The following MAP2K4 variants were observed in gnomAD, a reference collection of about 807,000 sequenced individuals.
The protein encoded by MAP2K4 is mitogen-activated protein kinase kinase 4, also known as dual specificity mitogen-activated protein kinase kinase 4.
In MAP2K4, 4 loss-of-function variants were observed where a neutral mutation model predicts 48.5. The observed-to-expected ratio is 0.08, with a 90% confidence interval of 0.04 to 0.19. The LOEUF (loss-of-function observed/expected upper bound fraction) is 0.19, where lower values mean the gene tolerates loss of function less well. Among genes scored for constraint, MAP2K4 ranks in the 10% least tolerant of loss-of-function variants. The pLI is 1.00. For synonymous variants in MAP2K4, 166 were observed against 173.1 expected (o/e 0.96, Z 0.32); for missense variants, 258 against 493.3 (o/e 0.52, Z 4.52).
chr17:12,021,613 A>G (rs1464528644), intron 1 of MAP2K4: 1 of 90,770 alleles, frequency 1.1e-5, no homozygotes, highest in Non-Finnish European at 2.1e-5. Flanking sequence ...GCTGGAAGGG[A>G]TGGGGGTGGG....
Position 12,081,223 on chromosome 17 carries a change from A to G in MAP2K4, c.219-133A>G. On this transcript the variant is annotated intron_variant, in intron 2 of 10. Coordinates refer to ENST00000353533, the MANE Select transcript of MAP2K4 (RefSeq NM_003010.4). This position sits in a 1 kb window ranked among gnomAD's most constrained non-coding sequence, Gnocchi z 4.2. ...AAAAACCAGGATGACACAAATGAAA[A>G]ACTTCAAAAACCTGGAGGTCAGACT... The G allele has an allele frequency of 1.6e-6, 1 of 617,240 alleles. No individual in the cohort carries two copies. The highest frequency in any genetic ancestry group is 3.2e-5 in the South Asian group (1 of 31,288). The allele number at this position is 617,240 out of a possible 1,614,324, so 38.2% of individuals were successfully genotyped here.
At chr17:12,133,722 A>G (rs1234999313) in intron 9 of MAP2K4, among the ~76,000 whole-genome samples, 3 of 152,194 alleles carry the variant, frequency 2.0e-5, no homozygotes, top group African/African-American at 7.2e-5. Flanking sequence ...TCAGGGATGG[A>G]TTGCCTAATC....
chr17:12,129,437 T>A, intron 9 of MAP2K4, 150 bp downstream of exon 9: 2 of 863,260 alleles, frequency 2.3e-6, no homozygotes, highest in South Asian at 3.3e-5. Context: ...TCACTGTGGC[T>A]GTATGGAAGG....
chr17:12,029,400 G>GA (rs1461638767), intron 1 of MAP2K4, among the ~76,000 whole-genome samples: 1 of 152,002 alleles, frequency 6.6e-6, no homozygotes, highest in African/African-American at 2.4e-5. Context: ...CTGGGGCCAG[G>GA]AAAAATGAAA....
intron 7 of MAP2K4, among the ~76,000 whole-genome samples, chr17:12,121,241 C>T (rs909976018): frequency 1.3e-5 from 2 of 151,990 alleles, no homozygotes; most frequent in Non-Finnish European, 2.9e-5. Context: ...ATAAATTTCA[C>T]GTTTAGACTT....
chr17:12,094,521 C>G (rs1374201966), intron 3 of MAP2K4, among the ~76,000 whole-genome samples: 1 of 152,190 alleles, frequency 6.6e-6, no homozygotes, highest in African/African-American at 2.4e-5. Context: ...TTGATACTAA[C>G]TTGCCTTGTA....
intron 1 of MAP2K4, among the ~76,000 whole-genome samples, chr17:12,029,548 A>G (rs1268685815): frequency 6.6e-6 from 1 of 152,208 alleles, no homozygotes; most frequent in East Asian, 1.9e-4. Flanking sequence ...CCAGTTAACT[A>G]TCAACAGGTT....
chr17:12,110,892 C>CTAAA (rs1455636839), intron 6 of MAP2K4: 1 of 155,182 alleles, frequency 6.4e-6, no homozygotes, highest in Non-Finnish European at 1.4e-5. Flanking sequence ...TGAAATTTCT[C>CTAAA]TAAAGCATGT....
chr17:12,124,808 TG>T (rs1972801360), intron 7 of MAP2K4: 1 of 156,726 alleles, frequency 6.4e-6, no homozygotes, highest in South Asian at 1.9e-4. Context: ...CCTGAGTAGC[TG>T]GGACTACAGG....
At chr17:12,127,025 A>C (rs185072207) in intron 8 of MAP2K4, among the ~76,000 whole-genome samples, 76 of 152,254 alleles carry the variant, frequency 5.0e-4, no homozygotes, top group African/African-American at 1.7e-3. Flanking sequence ...CTTATTAAAT[A>C]ATCTTCATTT....
At chr17:12,027,593 A>G (rs1389670335) in intron 1 of MAP2K4, among the ~76,000 whole-genome samples, 1 of 152,174 alleles carries the variant, frequency 6.6e-6, no homozygotes, top group African/African-American at 2.4e-5. Flanking sequence ...AGATGTATAT[A>G]TATCTGACAT....
intron 2 of MAP2K4, among the ~76,000 whole-genome samples, chr17:12,079,368 AAT>A (rs1971116568): frequency 6.6e-6 from 1 of 152,214 alleles, no homozygotes; most frequent in South Asian, 2.1e-4. Flanking sequence ...ATAGTAATGA[AAT>A]ATCTTTCATT....
chr17:12,141,603 G>T lies in MAP2K4; in HGVS notation c.*343G>T, dbSNP rs1203885563. 8 of 309,240 alleles carry T rather than the reference G, an allele frequency of 2.6e-5. No homozygotes were observed. Among genetic ancestry groups the T allele is most frequent in the Non-Finnish European group, 1.2e-5 (2 of 165,258 alleles). The allele number at this position is 309,240 out of a possible 1,614,324, so 19.2% of individuals were successfully genotyped here. On this transcript the variant is annotated 3_prime_UTR_variant, in exon 11 of 11. Transcript: ENST00000353533. ...CTCAAAACCTGGAGATGCAGCTACTGGAATGGTGTTTTGTCAGACTTCCAA... is the reference window on the plus strand; with the variant it reads ...CTCAAAACCTGGAGATGCAGCTACTTGAATGGTGTTTTGTCAGACTTCCAA...
intron 3 of MAP2K4, among the ~76,000 whole-genome samples, chr17:12,093,011 G>C (rs1027063602): frequency 6.6e-6 from 1 of 152,084 alleles, no homozygotes; most frequent in Non-Finnish European, 1.5e-5. Flanking sequence ...GGGCGAAAGA[G>C]CAAGACTCCG....
intron 7 of MAP2K4, among the ~76,000 whole-genome samples, chr17:12,121,432 A>G (rs1162852904): frequency 2.0e-5 from 3 of 152,138 alleles, no homozygotes; most frequent in Non-Finnish European, 4.4e-5. Context: ...TTAGCTGTCA[A>G]TCCAGGGTCA....
chr17:12,096,067 T>TTCC (rs1971741460), intron 4 of MAP2K4, among the ~76,000 whole-genome samples: 1 of 23,760 alleles, frequency 4.2e-5, no homozygotes, highest in Non-Finnish European at 8.1e-5. Flanking sequence ...GAGCAACGCC[T>TTCC]CCCCCCCCCC....
intron 2 of MAP2K4, among the ~76,000 whole-genome samples, chr17:12,076,292 TGTGTGTGTG>T (rs1971003778): frequency 1.4e-5 from 2 of 146,660 alleles, no homozygotes; most frequent in African/African-American, 4.9e-5. Context: ...TGTGTGTGTG[TGTGTGTGTG>T]TGTGTGTGTG....
chr17:12,064,057 A>G (rs1322784872), intron 2 of MAP2K4, among the ~76,000 whole-genome samples: 1 of 151,642 alleles, frequency 6.6e-6, no homozygotes, highest in African/African-American at 2.4e-5. Context: ...AGACTAGAAG[A>G]AAACATTCAC....
intron 2 of MAP2K4, among the ~76,000 whole-genome samples, chr17:12,078,199 G>T (rs940785824): frequency 2.0e-5 from 3 of 152,180 alleles, no homozygotes; most frequent in South Asian, 4.1e-4. Flanking sequence ...GAGGAGAATG[G>T]ATGTTGGGTG....
Sources: allele counts gnomAD v4.1 joint callset (sites outside exome capture counted in the v4.1 genomes callset), GRCh38; gene constraint gnomAD v4.1.1; non-coding constraint Gnocchi (gnomAD v3.1); transcripts MANE v1.5; gene names NCBI Gene and HGNC (gene_info 2026-07-23, HGNC 2026-07-21).